Variants in TNRC18 observed in about 807,000 individuals in gnomAD.
TNRC18 encodes trinucleotide repeat-containing gene 18 protein.
A neutral mutation model predicts 226.7 loss-of-function variants in TNRC18; 69 were observed. The observed-to-expected ratio is 0.30, with a 90% CI of 0.25 to 0.37. The LOEUF (loss-of-function observed/expected upper bound fraction) is 0.37. Among genes scored for constraint, TNRC18 ranks in the 10% least tolerant of loss-of-function variants. The probability of loss-of-function intolerance (pLI) is 1.00; values close to 1 mark genes in which losing one functional copy is unlikely to be tolerated. For synonymous variants in TNRC18, 2,449 were observed against 1,927.6 expected, an observed-to-expected ratio of 1.27 and a Z score of -7.09; for missense variants, 4,754 against 4,256.6, an observed-to-expected ratio of 1.12 and a Z score of -3.25.
intron 5 of TNRC18, among the ~76,000 whole-genome samples, chr7:5,383,283 C>T (rs1779525152): frequency 6.6e-6 from 1 of 152,196 alleles, no homozygotes. Flanking sequence ...TAATGCCTGT[C>T]CTTCATCCAT....
intron 5 of TNRC18, among the ~76,000 whole-genome samples, chr7:5,385,996 A>C (rs1334511692): frequency 6.7e-6 from 1 of 149,638 alleles, no homozygotes; most frequent in East Asian, 2.0e-4. Context: ...AAAAAAAAAA[A>C]AAAAAAAAAA....
chr7:5,383,468 A>G (rs1779539892), intron 5 of TNRC18, among the ~76,000 whole-genome samples: 1 of 152,200 alleles, frequency 6.6e-6, no homozygotes, highest in African/African-American at 2.4e-5. Flanking sequence ...CCCAGCATCA[A>G]GCAGATGAGC....
At chr7:5,392,236 G>T (rs1780353847) in intron 3 of TNRC18, among the ~76,000 whole-genome samples, 1 of 152,178 alleles carries the variant, frequency 6.6e-6, no homozygotes, top group Non-Finnish European at 1.5e-5. Flanking sequence ...GGCCGAGTTG[G>T]GTGGATCACG....
intron 24 of TNRC18, among the ~76,000 whole-genome samples, chr7:5,319,863 C>T (rs1562487341): frequency 6.6e-6 from 1 of 152,146 alleles, no homozygotes; most frequent in Non-Finnish European, 1.5e-5. Flanking sequence ...GCCACCCTCC[C>T]ATCTTTCTCA....
At chr7:5,325,013 G>C in intron 20 of TNRC18, 83 bp downstream of exon 20, 1 of 1,455,608 alleles carries the variant, frequency 6.9e-7, no homozygotes. Context: ...TGAATACAGA[G>C]GAGCAGGTGG....
At chr7:5,367,661 C>T (rs549323813) in intron 11 of TNRC18, among the ~76,000 whole-genome samples, 1 of 151,784 alleles carries the variant, frequency 6.6e-6, no homozygotes, top group South Asian at 2.1e-4. Context: ...CTCCTGACCT[C>T]AGATGATCTG....
At chr7:5,329,682 C>CAAAAAAAA (rs10628315) in intron 19 of TNRC18, among the ~76,000 whole-genome samples, 4 of 45,762 alleles carry the variant, frequency 8.7e-5, no homozygotes, top group African/African-American at 2.8e-4. Flanking sequence ...GACTCCGTCT[C>CAAAAAAAA]AAAAAAAAAA....
chr7:5,338,475 G>T (rs943200915), intron 18 of TNRC18, among the ~76,000 whole-genome samples: 1 of 152,044 alleles, frequency 6.6e-6, no homozygotes, highest in African/African-American at 2.4e-5. Flanking sequence ...GCCAGGCGTC[G>T]TGGCTCAGGC....
intron 17 of TNRC18, among the ~76,000 whole-genome samples, chr7:5,347,527 T>C (rs770234422): frequency 3.3e-5 from 5 of 151,692 alleles, no homozygotes; most frequent in Non-Finnish European, 7.4e-5. Context: ...TAGCCAGGCG[T>C]GGTGGCTTAC....
At chr7:5,421,034 G>A (rs948847233) in intron 2 of TNRC18, 26 bp downstream of exon 2, 3 of 1,534,236 alleles carry the variant, frequency 2.0e-6, no homozygotes, top group East Asian at 2.5e-5. Flanking sequence ...AGACAGGAGG[G>A]GACGGGCACG....
chr7:5,309,357 C>T lies in TNRC18; in HGVS notation c.8400G>A (p.Met2800Ile). The T allele has an allele frequency of 6.2e-7, 1 of 1,611,988 alleles. No homozygotes were observed. The highest frequency in any genetic ancestry group is 1.7e-5 in the Admixed American group (1 of 59,770). ...AGAAGAGCTTGCGGGCCTTGCCCTT[C>T]ATGCCACGCCGCTGCAAGGACACGT... is the stretch of plus-strand genomic sequence containing the variant. The part of the protein sequence containing the change: ...WFGKPTQRRG[M>I]KGKARKLFYK... Residue 2800 changes from methionine (M) to isoleucine (I), a missense_variant, in exon 28 of 30, where the codon ATG (methionine) becomes ATA (isoleucine). Met to Ile is a conservative substitution (Grantham distance 10). Coordinates refer to ENST00000430969, the MANE Select transcript of TNRC18 (RefSeq NM_001080495.3). The surrounding 1 kb of genome is among the most constrained non-coding windows in gnomAD (Gnocchi z 5.7).
chr7:5,315,416 GTTTTTTTTT>G (rs10601250), intron 25 of TNRC18, among the ~76,000 whole-genome samples: 1 of 147,520 alleles, frequency 6.8e-6, no homozygotes, highest in Admixed American at 6.8e-5. Flanking sequence ...CTTTTGTTGG[GTTTTTTTTT>G]TTTTTTTTTT....
intron 24 of TNRC18, among the ~76,000 whole-genome samples, chr7:5,317,843 C>G (rs1031601896): frequency 2.5e-4 from 38 of 151,572 alleles, no homozygotes; most frequent in African/African-American, 8.9e-4. Flanking sequence ...GTAGCTAGGA[C>G]AACAGGTGCA....
Position 5,388,774 on chromosome 7 carries a change from C to A in TNRC18, c.1050G>T (p.Ala350=). 1 of 1,215,702 alleles carries A rather than the reference C, an allele frequency of 8.2e-7. No individual in the cohort carries two copies. Among genetic ancestry groups the A allele is most frequent in the South Asian group, 2.7e-5 (1 of 37,214 alleles). 75.3% of individuals were successfully genotyped at this position (1,215,702 alleles called of 1,614,324 possible). A position where few individuals can be genotyped will look rare whatever the true frequency, so the allele number is the denominator to read the frequency against. The change falls in exon 5 of 30, where the codon GCG becomes GCT. Residue 350 remains alanine, a synonymous_variant. Transcript: ENST00000430969. Reference sequence around the variant, plus strand: ...CGGTGTAGACGCCGGCGGGGGTGGCCGCGGGGGGTGCAGGAGGCCCCTTGG... The same window carrying A: ...CGGTGTAGACGCCGGCGGGGGTGGCAGCGGGGGGTGCAGGAGGCCCCTTGG... ...APPKGPPAPP[A]ATPAGVYTVF... is the part of the protein sequence containing the mutation.
chr7:5,359,535 A>T lies in TNRC18; in HGVS notation c.4696T>A (p.Tyr1566Asn). 1.9e-6 allele frequency: 3 copies of T among 1,613,918 alleles called. No homozygotes were observed. The highest frequency in any genetic ancestry group is 2.5e-6 in the Non-Finnish European group (3 of 1,179,886). ...TTTCTTATCCCTGCTCCCAGCTCATAATCATCTGATGTCAGCAGAGACTTG... is the reference window on the plus strand; with the variant it reads ...TTTCTTATCCCTGCTCCCAGCTCATTATCATCTGATGTCAGCAGAGACTTG... The part of the protein sequence containing the change: ...SSKSLLTSDD[Y>N]ELGAGIRKRH... Residue 1566 changes from tyrosine to asparagine, a missense_variant, in exon 15 of 30, where the codon TAT becomes AAT. Physicochemically the swap from Tyr to Asn is moderately radical, Grantham distance 143. Transcript: ENST00000430969.
chr7:5,344,385 T>C (rs753032198), intron 18 of TNRC18, among the ~76,000 whole-genome samples: 1 of 152,088 alleles, frequency 6.6e-6, no homozygotes, highest in Admixed American at 6.5e-5. Context: ...TACCTAAGAA[T>C]AGGTAGCCTT....
intron 13 of TNRC18, 52 bp from the exon 14 acceptor site, chr7:5,361,774 G>C: frequency 6.5e-7 from 1 of 1,544,314 alleles, no homozygotes; most frequent in Non-Finnish European, 8.7e-7. Flanking sequence ...GGCGGGGCGC[G>C]GAGAACGGGC....
At position 5,377,208 on chromosome 7, in the gene TNRC18, C is replaced by T. The variant is rs575479331; in HGVS notation, c.2461+163G>A. 3.7e-4 allele frequency among the ~76,000 whole-genome samples: 57 copies of T among 152,312 alleles called. No homozygotes were observed. Among genetic ancestry groups the T allele is most frequent in the African/African-American group, 1.4e-3 (57 of 41,574 alleles). Reference sequence around the variant, plus strand: ...AAACAGGCATGGCAGAGGGGCCCCACGAGGCAGAGGCCATTATCATTCCTT... The same window carrying T: ...AAACAGGCATGGCAGAGGGGCCCCATGAGGCAGAGGCCATTATCATTCCTT... On this transcript the variant is annotated intron_variant, in intron 7 of 29. Coordinates refer to ENST00000430969, the MANE Select transcript of TNRC18 (RefSeq NM_001080495.3). The surrounding 1 kb of genome is among the most constrained non-coding windows in gnomAD (Gnocchi z 5.8).
intron 3 of TNRC18, among the ~76,000 whole-genome samples, chr7:5,391,367 A>T: frequency 6.6e-6 from 1 of 151,524 alleles, no homozygotes; most frequent in East Asian, 2.0e-4. Flanking sequence ...GCTGGAGTGC[A>T]GTGGCAGGAT....
Sources: gnomAD v4.1 joint callset for allele counts (sites outside exome capture counted in the v4.1 genomes callset) on GRCh38, gnomAD v4.1.1 for gene constraint, Gnocchi (gnomAD v3.1) non-coding constraint, MANE v1.5 for transcripts, NCBI Gene and HGNC (gene_info 2026-07-23, HGNC 2026-07-21) for gene names.